Variants in SMARCA2 observed in about 807,000 individuals in gnomAD.
The protein encoded by SMARCA2 is SWI/SNF-related matrix-associated actin-dependent regulator of chromatin subfamily A member 2.
In SMARCA2, 61 loss-of-function variants were observed where a neutral mutation model predicts 199.8. That is an observed-to-expected ratio of 0.31 (90% CI 0.25 to 0.38). The LOEUF is 0.38. Ranked by LOEUF, SMARCA2 falls within the 10% of genes least tolerant of loss-of-function variation. The pLI is 1.00. For synonymous variants in SMARCA2, 935 were observed against 732.0 expected, an observed-to-expected ratio of 1.28 and a Z score of -4.48; for missense variants, 1,344 against 2,012.2, an observed-to-expected ratio of 0.67 and a Z score of 6.35.
At position 2,123,483 on chromosome 9, in the gene SMARCA2, T is replaced by C. The variant is rs771982490; in HGVS notation, c.3763-236T>C. Among the ~76,000 whole-genome samples, 2 of 152,234 alleles carry C rather than the reference T, an allele frequency of 1.3e-5. No individual in the cohort carries two copies. The highest frequency in any genetic ancestry group is 2.9e-5 in the Non-Finnish European group (2 of 68,042). Reference sequence around the variant, plus strand: ...AGAAAAGGAAATTCTTTAAAAGTACTTTTTAAATGTATGAATAAGTTTCAA... The same window carrying C: ...AGAAAAGGAAATTCTTTAAAAGTACCTTTTAAATGTATGAATAAGTTTCAA... On this transcript the variant is annotated intron_variant, in intron 26 of 33. Transcript: ENST00000349721. This position sits in a 1 kb window ranked among gnomAD's most constrained non-coding sequence, Gnocchi z 4.1.
chr9:2,042,294 T>C (rs1018541873), intron 4 of SMARCA2: 2 of 152,188 alleles, frequency 1.3e-5, no homozygotes, highest in Admixed American at 6.6e-5. Context: ...AGAGGAGGGA[T>C]CAGAACTTGA....
At chr9:2,102,936 C>T (rs1458228851) in intron 22 of SMARCA2, among the ~76,000 whole-genome samples, 1 of 151,604 alleles carries the variant, frequency 6.6e-6, no homozygotes, top group Admixed American at 6.6e-5. Flanking sequence ...ATTCTCTCCT[C>T]ACTTCTGTTT....
chr9:2,122,931 A>G (rs1253357528), intron 26 of SMARCA2, among the ~76,000 whole-genome samples: 3 of 152,228 alleles, frequency 2.0e-5, no homozygotes, highest in Non-Finnish European at 2.9e-5. Context: ...TTTATTTACA[A>G]GTGAACTGGA....
intron 29 of SMARCA2, among the ~76,000 whole-genome samples, chr9:2,178,448 T>C (rs909193473): frequency 6.6e-6 from 1 of 152,180 alleles, no homozygotes; most frequent in Non-Finnish European, 1.5e-5. Context: ...CCTTAAATTG[T>C]GTAAAATGAC....
At position 2,073,283 on chromosome 9, in the gene SMARCA2, G is replaced by C. The variant is rs369716405; in HGVS notation, c.1818G>C (p.Leu606=). 3 of 1,614,068 alleles carry C rather than the reference G, an allele frequency of 1.9e-6. No homozygotes were observed. The highest frequency in any genetic ancestry group is 1.3e-5 in the African/African-American group (1 of 74,916). Reference sequence around the variant, plus strand: ...CTCACACAGAAACCGGCAAGGTTCTGTTCGGACCAGAAGCACCCAAAGCAA... The same window carrying C: ...CTCACACAGAAACCGGCAAGGTTCTCTTCGGACCAGAAGCACCCAAAGCAA... ...KVTHTETGKV[L]FGPEAPKASQ... The change falls in exon 11 of 34, where the codon CTG becomes CTC. Residue 606 remains leucine (L), a synonymous_variant. Transcript: ENST00000349721.
chr9:2,023,121 A>G (rs1818676208), intron 1 of SMARCA2, among the ~76,000 whole-genome samples: 1 of 152,160 alleles, frequency 6.6e-6, no homozygotes, highest in Admixed American at 6.5e-5. Context: ...TGAGATGGCA[A>G]CTCATGGTAT....
chr9:2,185,892 A>C (rs768365489), intron 31 of SMARCA2, among the ~76,000 whole-genome samples: 1 of 152,186 alleles, frequency 6.6e-6, no homozygotes, highest in African/African-American at 2.4e-5. Flanking sequence ...AATAATTTCA[A>C]CTGCATTTGG....
intron 5 of SMARCA2, among the ~76,000 whole-genome samples, chr9:2,053,204 T>G (rs2130325759): frequency 6.6e-6 from 1 of 152,320 alleles, no homozygotes; most frequent in African/African-American, 2.4e-5. Flanking sequence ...TAGCTGCCAC[T>G]TAAAAGTGAG....
chr9:2,127,944 A>G (rs935731609), intron 27 of SMARCA2, among the ~76,000 whole-genome samples: 3 of 149,680 alleles, frequency 2.0e-5, no homozygotes, highest in Admixed American at 2.0e-4. Flanking sequence ...CAGGAGGATC[A>G]CAATTTCAAA....
Position 2,170,320 on chromosome 9 carries a change from A to G in SMARCA2, c.4200-99A>G. ...CCTAACAAGGCAGGTTGGTGAGGAG[A>G]CTGAGGCTTGGCCAGGTCACCCAGC... On this transcript the variant is annotated intron_variant, in intron 28 of 33. Transcript: ENST00000349721. The surrounding 1 kb of genome is among the most constrained non-coding windows in gnomAD (Gnocchi z 4.7). 6.7e-7 allele frequency: 1 copy of G among 1,497,444 alleles called. No homozygotes were observed. Among genetic ancestry groups the G allele is most frequent in the South Asian group, 1.2e-5 (1 of 82,346 alleles). 92.8% of individuals were successfully genotyped at this position (1,497,444 alleles called of 1,614,324 possible). A position where few individuals can be genotyped will look rare whatever the true frequency, so the allele number is the denominator to read the frequency against.
intron 1 of SMARCA2, 125 bp from the exon 2 acceptor site, chr9:2,028,862 T>C (rs1040403637): frequency 1.3e-6 from 1 of 755,356 alleles, no homozygotes; most frequent in African/African-American, 1.8e-5. Context: ...ACATCTGGAC[T>C]AGACAGGGCA....
At chr9:2,019,217 A>G (rs1386944385) in intron 1 of SMARCA2, among the ~76,000 whole-genome samples, 5 of 151,948 alleles carry the variant, frequency 3.3e-5, no homozygotes, top group Admixed American at 2.6e-4. Context: ...TGTAAAGAAC[A>G]TTTCAAATGA....
rs1818308554 is a variant in SMARCA2, at chr9:2,015,352, C to G, written c.-89C>G. The G allele has an allele frequency of 6.6e-6, 1 of 152,304 alleles. No homozygotes were observed. Among genetic ancestry groups the G allele is most frequent in the Non-Finnish European group, 1.5e-5 (1 of 68,092 alleles). The allele number at this position is 152,304 out of a possible 1,614,324, so 9.4% of individuals were successfully genotyped here. On this transcript the variant is annotated 5_prime_UTR_variant, in exon 1 of 34. Transcript: ENST00000349721. ...TCCTCTCTCCCTCTGTTTCTGTACT[C>G]TGGGTGACTCAGAGAGGGAAGAGAT...
chr9:2,119,442 CT>C lies in SMARCA2; in HGVS notation c.3685-15del, dbSNP rs1260312181. The C allele has an allele frequency of 6.3e-7, 1 of 1,585,160 alleles. No homozygotes were observed. Among genetic ancestry groups the C allele is most frequent in the Admixed American group, 1.7e-5 (1 of 59,986 alleles). On this transcript the variant is annotated splice_polypyrimidine_tract_variant and intron_variant, in intron 25 of 33. Transcript: ENST00000349721. This position sits in a 1 kb window ranked among gnomAD's most constrained non-coding sequence, Gnocchi z 4.6. ...CAGCTGTCCACTGGTTAAAATCACT[CT>C]GTTTTTAACCCCAGGAAGAAGATGA...
chr9:2,157,436 C>G (rs947551310), intron 27 of SMARCA2, among the ~76,000 whole-genome samples: 1 of 152,096 alleles, frequency 6.6e-6, no homozygotes, highest in African/African-American at 2.4e-5. Context: ...CAGCAGCATC[C>G]CAGGGTCCTC....
intron 5 of SMARCA2, among the ~76,000 whole-genome samples, chr9:2,053,550 G>A (rs1820219426): frequency 6.6e-6 from 1 of 152,134 alleles, no homozygotes; most frequent in African/African-American, 2.4e-5. Flanking sequence ...TTACCTTACA[G>A]AGGCGTGTCT....
intron 8 of SMARCA2, among the ~76,000 whole-genome samples, 200 bp downstream of exon 8, chr9:2,058,664 G>A (rs1483373736): frequency 6.6e-6 from 1 of 152,194 alleles, no homozygotes; most frequent in Non-Finnish European, 1.5e-5. Flanking sequence ...CTAGGGGGAT[G>A]ACTGATGCGT....
Position 2,169,823 on chromosome 9 carries a change from A to G in SMARCA2, c.4200-596A>G, listed in dbSNP as rs996922376. Among the ~76,000 whole-genome samples, 14 of 152,288 alleles carry G rather than the reference A, an allele frequency of 9.2e-5. No homozygotes were observed. The highest frequency in any genetic ancestry group is 3.4e-3 in the Middle Eastern group (1 of 294). ...GGCTTGTAGAAGTGCCCAAGACGCC[A>G]GGTGGTGGTTTATTTTCATTTCCCA... On this transcript the variant is annotated intron_variant, in intron 28 of 33. Coordinates refer to ENST00000349721, the MANE Select transcript of SMARCA2 (RefSeq NM_003070.5). The surrounding 1 kb of genome is among the most constrained non-coding windows in gnomAD (Gnocchi z 6.5).
At chr9:2,138,641 G>T (rs150249421) in intron 27 of SMARCA2, among the ~76,000 whole-genome samples, 1 of 152,144 alleles carries the variant, frequency 6.6e-6, no homozygotes, top group South Asian at 2.1e-4. Flanking sequence ...AGATGATCAG[G>T]GTTCTGCTTG....
Sources: allele counts gnomAD v4.1 joint callset (sites outside exome capture counted in the v4.1 genomes callset), GRCh38; gene constraint gnomAD v4.1.1; non-coding constraint Gnocchi (gnomAD v3.1); transcripts MANE v1.5; gene names NCBI Gene and HGNC (gene_info 2026-07-23, HGNC 2026-07-21).